CHST15: variants seen among roughly 807,000 people sequenced by gnomAD.
The protein encoded by CHST15 is B cell RAG associated protein (GALNAC4S-6ST).
Under a neutral mutation model 53.6 loss-of-function variants are expected in CHST15, and 30 were observed. The ratio of observed to expected loss-of-function variants is 0.56; its 90% CI spans 0.42 to 0.76. CHST15 has a LOEUF of 0.76. CHST15 is among the 30% of genes least tolerant of loss of function. CHST15 has a pLI of 0.00. For synonymous variants in CHST15, 296 were observed against 289.8 expected (o/e 1.02, Z -0.22); for missense variants, 627 against 740.5 (o/e 0.85, Z 1.78).
At chr10:124,083,799 A>T (rs1249072743) in intron 1 of CHST15, among the ~76,000 whole-genome samples, 1 of 152,176 alleles carries the variant, frequency 6.6e-6, no homozygotes, top group African/African-American at 2.4e-5. Flanking sequence ...TGGATCACTG[A>T]CCTGATGCGG....
intron 1 of CHST15, among the ~76,000 whole-genome samples, chr10:124,050,023 T>C (rs1292352123): frequency 2.0e-5 from 3 of 151,894 alleles, no homozygotes; most frequent in Non-Finnish European, 4.4e-5. Context: ...AAAATACCCC[T>C]GGGCTGCGGT....
intron 5 of CHST15, among the ~76,000 whole-genome samples, chr10:124,022,512 TG>T (rs1477590833): frequency 1.3e-5 from 2 of 152,266 alleles, no homozygotes; most frequent in African/African-American, 2.4e-5. Flanking sequence ...GATGCTGCCC[TG>T]TTCATGGACC....
At position 124,044,758 on chromosome 10, in the gene CHST15, G is replaced by C. The variant is rs1416260504; in HGVS notation, c.708C>G (p.Phe236Leu). The change falls in exon 3 of 8, where the codon TTC becomes TTG. Residue 236 changes from phenylalanine to leucine, a missense_variant. Physicochemically the swap from Phe to Leu is conservative, Grantham distance 22. Coordinates refer to ENST00000435907, the MANE Select transcript of CHST15 (RefSeq NM_001270764.2). ...CGTGCGCGTGCGCCAGGTGGCCCCA[G>C]AAGGCCTTGCGCAGGGCGTCGAAGG... Reference protein sequence around the residue: ...RSTFDALRKAFWGHLAHAHGK... With the variant: ...RSTFDALRKALWGHLAHAHGK... 6.2e-7 allele frequency: 1 copy of C among 1,613,088 alleles called. No homozygotes were observed.
intron 1 of CHST15, among the ~76,000 whole-genome samples, chr10:124,067,612 G>A (rs550748691): frequency 6.6e-6 from 1 of 152,276 alleles, no homozygotes; most frequent in African/African-American, 2.4e-5. Flanking sequence ...GAAACAGATG[G>A]TTTTTGTGTT....
chr10:124,034,114 C>CA (rs2133932050), intron 5 of CHST15, among the ~76,000 whole-genome samples: 1 of 152,296 alleles, frequency 6.6e-6, no homozygotes, highest in Admixed American at 6.5e-5. Context: ...ACTGGGTCGC[C>CA]ACTGTTGTTC....
chr10:124,036,132 G>A lies in CHST15; in HGVS notation c.1190+2383C>T, dbSNP rs1447530885. Reference sequence around the variant, plus strand: ...CCGAGCACTTGCGCCCTTCAGCTGGGGGCCGTGTCGGGGAGGGAGGCAGAG... The same window carrying A: ...CCGAGCACTTGCGCCCTTCAGCTGGAGGCCGTGTCGGGGAGGGAGGCAGAG... On this transcript the variant is annotated intron_variant, in intron 5 of 7. Transcript: ENST00000435907. The surrounding 1 kb of genome is among the most constrained non-coding windows in gnomAD (Gnocchi z 5.1). Among the ~76,000 whole-genome samples the A allele has an allele frequency of 6.6e-6, 1 of 152,250 alleles. No homozygotes were observed. The highest frequency in any genetic ancestry group is 1.5e-5 in the Non-Finnish European group (1 of 68,046).
chr10:124,065,718 A>G (rs1948733012), intron 1 of CHST15, among the ~76,000 whole-genome samples: 1 of 152,196 alleles, frequency 6.6e-6, no homozygotes, highest in Non-Finnish European at 1.5e-5. Context: ...CACCCTTAAC[A>G]AAACATGCCA....
chr10:124,075,071 G>A (rs779933280), intron 1 of CHST15, among the ~76,000 whole-genome samples: 39 of 152,190 alleles, frequency 2.6e-4, no homozygotes, highest in Non-Finnish European at 5.3e-4. Flanking sequence ...CCTACATCAG[G>A]TAATACAAAT....
At chr10:124,053,266 C>T (rs1296480536) in intron 1 of CHST15, among the ~76,000 whole-genome samples, 1 of 152,164 alleles carries the variant, frequency 6.6e-6, no homozygotes, top group East Asian at 1.9e-4. Context: ...TTGGGTGGCT[C>T]ACTTTGGCCA....
chr10:124,022,899 G>A (rs914070357), intron 5 of CHST15, among the ~76,000 whole-genome samples: 2 of 141,784 alleles, frequency 1.4e-5, no homozygotes, highest in Admixed American at 7.6e-5. Flanking sequence ...TCACTGCAAC[G>A]TCCGCCTCCT....
intron 1 of CHST15, among the ~76,000 whole-genome samples, chr10:124,068,066 G>A (rs1294570801): frequency 6.6e-6 from 1 of 152,206 alleles, no homozygotes; most frequent in East Asian, 1.9e-4. Flanking sequence ...GCCTTAATTA[G>A]TGAAATAACT....
chr10:124,061,770 C>T (rs1039927149), intron 1 of CHST15, among the ~76,000 whole-genome samples: 7 of 152,202 alleles, frequency 4.6e-5, no homozygotes, highest in Admixed American at 3.9e-4. Context: ...CAGTAAGACA[C>T]GTCTCTGAGC....
In CHST15 at chr10:124,029,976, T is replaced by C. The variant is rs78979755; in HGVS notation, c.1190+8539A>G. Among the ~76,000 whole-genome samples the C allele has an allele frequency of 8.8e-3, 1,341 of 152,344 alleles. 14 individuals are homozygous for C. The highest frequency in any genetic ancestry group is 0.017 in the Middle Eastern group (5 of 294). On this transcript the variant is annotated intron_variant, in intron 5 of 7. Coordinates refer to ENST00000435907, the MANE Select transcript of CHST15 (RefSeq NM_001270764.2). ...GACACAACGGAGCTCTTTTTCCCTA[T>C]AGTGTTCCTCCTGCTCGGAACCGTC...
intron 1 of CHST15, among the ~76,000 whole-genome samples, chr10:124,085,621 C>T (rs1316407968): frequency 6.6e-6 from 1 of 152,214 alleles, no homozygotes; most frequent in Admixed American, 6.5e-5. Flanking sequence ...CATGGATGTA[C>T]CGTGAGCCCC....
At chr10:124,031,934 C>T (rs956548985) in intron 5 of CHST15, among the ~76,000 whole-genome samples, 1 of 152,170 alleles carries the variant, frequency 6.6e-6, no homozygotes, top group Admixed American at 6.5e-5. Context: ...CTCCCAGACA[C>T]TCAGCGGGTG....
At chr10:124,017,962 G>A (rs185981877) in intron 6 of CHST15, among the ~76,000 whole-genome samples, 5 of 152,350 alleles carry the variant, frequency 3.3e-5, no homozygotes, top group Non-Finnish European at 4.4e-5. Context: ...AGGGAGCCAG[G>A]CAAACTGGGT....
At chr10:124,079,602 C>T (rs1388243978) in intron 1 of CHST15, among the ~76,000 whole-genome samples, 1 of 152,158 alleles carries the variant, frequency 6.6e-6, no homozygotes, top group Non-Finnish European at 1.5e-5. Flanking sequence ...GGCCCACTCC[C>T]TCGCAGGTAG....
In CHST15 at chr10:124,038,657, A is replaced by G. The variant is rs762632664; in HGVS notation, c.1048T>C (p.Ser350Pro). The change falls in exon 5 of 8, where the codon TCC (serine) becomes CCC (proline). Residue 350 changes from serine (S) to proline (P), a missense_variant. Ser to Pro is a moderately conservative substitution (Grantham distance 74). Coordinates refer to ENST00000435907, the MANE Select transcript of CHST15 (RefSeq NM_001270764.2). ...CAGGCATTATTATCCCACATCGTGG[A>G]GGCACTGGCCTCCCCTGGAAACAGA... ...NTIIIGEASA[S>P]TMWDNNAWTF... 1 of 1,613,984 alleles carries G rather than the reference A, an allele frequency of 6.2e-7. No individual in the cohort carries two copies. Among genetic ancestry groups the G allele is most frequent in the East Asian group, 2.2e-5 (1 of 44,898 alleles).
At chr10:124,033,027 G>C (rs1043628292) in intron 5 of CHST15, among the ~76,000 whole-genome samples, 4 of 152,158 alleles carry the variant, frequency 2.6e-5, no homozygotes, top group Admixed American at 2.6e-4. Flanking sequence ...CTTGCAGCCA[G>C]CAACCCCCAA....
Sources: allele counts gnomAD v4.1 joint callset (sites outside exome capture counted in the v4.1 genomes callset), GRCh38; gene constraint gnomAD v4.1.1; non-coding constraint Gnocchi (gnomAD v3.1); transcripts MANE v1.5; gene names NCBI Gene and HGNC (gene_info 2026-07-23, HGNC 2026-07-21).